The following PTPN13 variants were observed in gnomAD, a reference collection of about 807,000 sequenced individuals.
PTPN13 encodes protein tyrosine phosphatase non-receptor type 13.
A neutral mutation model predicts 284.0 loss-of-function variants in PTPN13; 191 were observed. That is an observed-to-expected ratio of 0.67 (90% CI 0.60 to 0.76). The LOEUF (loss-of-function observed/expected upper bound fraction) is 0.76, where lower values mean the gene tolerates loss of function less well. Among genes scored for constraint, PTPN13 ranks in the 30% least tolerant of loss-of-function variants. The pLI is 0.00. For synonymous variants in PTPN13, 986 were observed against 1,022.3 expected (o/e 0.96, Z 0.68); for missense variants, 2,797 against 2,939.9 (o/e 0.95, Z 1.12).
At chr4:86,620,444 G>A (rs1298126180) in intron 1 of PTPN13, among the ~76,000 whole-genome samples, 1 of 152,168 alleles carries the variant, frequency 6.6e-6, no homozygotes, top group African/African-American at 2.4e-5. Flanking sequence ...ATAGGTATGA[G>A]CACTGCACCC....
rs150630788 is a variant in PTPN13, at chr4:86,602,526, G to T, written c.-6+7737G>T. 2.2e-3 allele frequency among the ~76,000 whole-genome samples: 333 copies of T among 151,982 alleles called. 3 individuals are homozygous for T. The highest frequency in any genetic ancestry group is 7.4e-3 in the African/African-American group (307 of 41,442). On this transcript the variant is annotated intron_variant, in intron 1 of 47. Coordinates refer to ENST00000411767, the MANE Select transcript of PTPN13 (RefSeq NM_080683.3). ...CAGGTAATATATGAACTTAAATATG[G>T]TTTCTTGTTTCAAAGTTTATAGGCC...
rs774124135 is a variant in PTPN13, at chr4:86,762,865, ACTC to A, written c.3695_3697del (p.Ser1232del). On this transcript the variant is annotated inframe_deletion, in exon 24 of 48. Transcript: ENST00000411767. ...GGTACCCTGAGGCACATCTCGGAGA[ACTC>A]CTTTGGGCCATCTGGGGGCCTGCGG... 3.7e-6 allele frequency: 6 copies of A among 1,613,830 alleles called. No individual in the cohort carries two copies. The highest frequency in any genetic ancestry group is 5.1e-6 in the Non-Finnish European group (6 of 1,179,816).
intron 44 of PTPN13, 71 bp from the exon 45 acceptor site, chr4:86,807,489 A>T: frequency 2.6e-6 from 3 of 1,150,480 alleles, no homozygotes; most frequent in Non-Finnish European, 3.7e-6. Flanking sequence ...TCTTTGACTC[A>T]TGCAATTTGT....
chr4:86,806,862 A>C (rs914395954), intron 44 of PTPN13, among the ~76,000 whole-genome samples: 2 of 152,224 alleles, frequency 1.3e-5, no homozygotes, highest in East Asian at 3.8e-4. Context: ...ATCTTAGACA[A>C]TATAACCTCA....
At chr4:86,712,121 C>A (rs1423888734) in intron 7 of PTPN13, among the ~76,000 whole-genome samples, 1 of 151,880 alleles carries the variant, frequency 6.6e-6, no homozygotes, top group Non-Finnish European at 1.5e-5. Context: ...TTGAAAATCA[C>A]CCGATTAATA....
At chr4:86,768,416 A>G (rs1020412024) in intron 28 of PTPN13, among the ~76,000 whole-genome samples, 3 of 152,222 alleles carry the variant, frequency 2.0e-5, no homozygotes, top group Admixed American at 6.5e-5. Flanking sequence ...GTTACAAACT[A>G]TGCTAGCCTT....
chr4:86,680,974 C>G (rs1025458799), intron 3 of PTPN13, among the ~76,000 whole-genome samples: 3 of 152,068 alleles, frequency 2.0e-5, no homozygotes, highest in African/African-American at 7.2e-5. Flanking sequence ...AGGAGTGGAC[C>G]TTACTCTCAA....
intron 6 of PTPN13, among the ~76,000 whole-genome samples, chr4:86,696,122 ATACCT>A (rs1730570460): frequency 6.6e-6 from 1 of 152,016 alleles, no homozygotes; most frequent in African/African-American, 2.4e-5. Flanking sequence ...TACTGAGTCT[ATACCT>A]ACTTGATAAC....
chr4:86,656,678 C>A (rs911175316), intron 2 of PTPN13, among the ~76,000 whole-genome samples: 6 of 152,192 alleles, frequency 3.9e-5, no homozygotes, highest in Non-Finnish European at 8.8e-5. Flanking sequence ...GGTCAGGGAC[C>A]CACTTGAGGA....
rs1740374386 is a variant in PTPN13 at position 86,774,482 on chromosome 4, A to G, written c.5459A>G (p.Asp1820Gly). 3 of 1,605,538 alleles carry G rather than the reference A, an allele frequency of 1.9e-6. No homozygotes were observed. The highest frequency in any genetic ancestry group is 2.6e-6 in the Non-Finnish European group (3 of 1,175,670). ...TGTTATGTTCATGATGTCATACAGG[A>G]TCCAGCCAAAAGTGATGGAAGGCTA... ...IGCYVHDVIQ[D>G]PAKSDGRLKP... is the part of the protein sequence containing the mutation. The change falls in exon 33 of 48, where the codon GAT becomes GGT. Residue 1820 changes from aspartate to glycine, a missense_variant. Asp to Gly is a moderately conservative substitution (Grantham distance 94, BLOSUM62 -1). Coordinates refer to ENST00000411767, the MANE Select transcript of PTPN13 (RefSeq NM_080683.3).
At chr4:86,610,565 A>G (rs1167551119) in intron 1 of PTPN13, among the ~76,000 whole-genome samples, 1 of 152,284 alleles carries the variant, frequency 6.6e-6, no homozygotes, top group Admixed American at 6.5e-5. Flanking sequence ...TAAAGAGCTC[A>G]GACTAGATAA....
chr4:86,769,781 AG>A lies in PTPN13; in HGVS notation c.4504del (p.Val1502Ter). The A allele has an allele frequency of 6.3e-7, 1 of 1,589,758 alleles. No individual in the cohort carries two copies. The highest frequency in any genetic ancestry group is 8.6e-7 in the Non-Finnish European group (1 of 1,167,544). On this transcript the variant is annotated frameshift_variant, in exon 29 of 48. Coordinates refer to ENST00000411767, the MANE Select transcript of PTPN13 (RefSeq NM_080683.3). LOFTEE classifies it high-confidence loss of function. ...YSFVTEENTFEVKLFKNSSGL... is the reference protein window; with the variant it reads ...YSFVTEENTFXVKLFKNSSGL... ...TCTTTTTCTCCAGAAAATACATTTG[AG>A]GTAAAATTATTTAAAAATAGCTCAG...
intron 1 of PTPN13, among the ~76,000 whole-genome samples, chr4:86,624,756 T>C (rs1022161685): frequency 6.6e-6 from 1 of 152,122 alleles, no homozygotes; most frequent in Non-Finnish European, 1.5e-5. Flanking sequence ...GAGAATGCAG[T>C]GTGCCATGAT....
chr4:86,641,221 T>C (rs1723742430), intron 2 of PTPN13, among the ~76,000 whole-genome samples: 1 of 152,182 alleles, frequency 6.6e-6, no homozygotes, highest in Non-Finnish European at 1.5e-5. Context: ...TAGTTCTCTC[T>C]TAGAATCCTT....
At chr4:86,764,854 G>T in intron 25 of PTPN13, 130 bp downstream of exon 25, 2 of 1,031,086 alleles carry the variant, frequency 1.9e-6, no homozygotes, top group Non-Finnish European at 1.3e-6. Context: ...TTCTAAAACT[G>T]AATCATATCT....
intron 40 of PTPN13, among the ~76,000 whole-genome samples, chr4:86,792,875 G>C (rs980982804): frequency 6.6e-6 from 1 of 152,206 alleles, no homozygotes; most frequent in Non-Finnish European, 1.5e-5. Flanking sequence ...AACATGGAAA[G>C]GAACATCCAG....
intron 1 of PTPN13, among the ~76,000 whole-genome samples, chr4:86,628,615 T>C (rs1453677564): frequency 7.7e-6 from 1 of 130,622 alleles, no homozygotes; most frequent in African/African-American, 2.9e-5. Flanking sequence ...ACGTGTCATC[T>C]AGCATTAGGT....
In PTPN13 at chr4:86,809,845, A is replaced by G. The variant is rs761310504; in HGVS notation, c.7160A>G (p.Asp2387Gly). The G allele has an allele frequency of 1.2e-5, 20 of 1,613,922 alleles. No homozygotes were observed. Among genetic ancestry groups the G allele is most frequent in the Non-Finnish European group, 1.5e-5 (18 of 1,179,908 alleles). ...PDHDTPSQPD[D>G]LLTFISYMRH... ...CATGATACACCTTCTCAACCAGATG[A>G]TCTGCTTACTTTTATCTCCTACATG... is the stretch of plus-strand genomic sequence containing the variant. The change falls in exon 46 of 48, where the codon GAT becomes GGT. Residue 2387 changes from aspartate (D) to glycine (G), a missense_variant. Transcript: ENST00000411767.
intron 7 of PTPN13, among the ~76,000 whole-genome samples, chr4:86,703,985 C>G (rs1363977175): frequency 1.3e-5 from 2 of 151,350 alleles, no homozygotes; most frequent in African/African-American, 2.4e-5. Flanking sequence ...CCAGCCTCAC[C>G]AACATGGAGA....
Sources: allele counts gnomAD v4.1 joint callset (sites outside exome capture counted in the v4.1 genomes callset), GRCh38; gene constraint gnomAD v4.1.1; transcripts MANE v1.5; gene names NCBI Gene and HGNC (gene_info 2026-07-23, HGNC 2026-07-21).